DCHS2: variants seen among roughly 807,000 people sequenced by gnomAD.
DCHS2 encodes the protein protocadherin-23.
DCHS2 carries 142 observed loss-of-function variants against 182.4 expected under a neutral mutation model. That is an observed-to-expected ratio of 0.78 (90% CI 0.68 to 0.89). The LOEUF is 0.89. Among genes scored for constraint, DCHS2 ranks in the 40% least tolerant of loss-of-function variants. DCHS2 has a pLI of 0.00. For missense variants in DCHS2, 4,319 were observed against 4,198.6 expected, an observed-to-expected ratio of 1.03 and a Z score of -0.79; for synonymous variants, 1,740 against 1,663.3, an observed-to-expected ratio of 1.05 and a Z score of -1.12.
chr4:154,488,459 C>T (rs944379162), intron 1 of DCHS2, among the ~76,000 whole-genome samples: 6 of 152,006 alleles, frequency 3.9e-5, no homozygotes, highest in African/African-American at 1.2e-4. Context: ...TTGTAAGCTT[C>T]GAAGGAAGGT....
At chr4:154,486,847 G>A (rs1728604116) in intron 1 of DCHS2, among the ~76,000 whole-genome samples, 1 of 152,106 alleles carries the variant, frequency 6.6e-6, no homozygotes, top group Admixed American at 6.5e-5. Context: ...GGGCTAGATC[G>A]CTGGAATTTC....
intron 3 of DCHS2, among the ~76,000 whole-genome samples, chr4:154,350,273 A>G (rs1729545437): frequency 6.6e-6 from 1 of 152,228 alleles, no homozygotes; most frequent in South Asian, 2.1e-4. Context: ...TTACCTTAAC[A>G]TGAAAGCTCT....
At chr4:154,308,563 G>A (rs1253963009) in intron 10 of DCHS2, among the ~76,000 whole-genome samples, 1 of 152,160 alleles carries the variant, frequency 6.6e-6, no homozygotes, top group African/African-American at 2.4e-5. Context: ...AGGCACCACT[G>A]AATAGTTACC....
intron 13 of DCHS2, among the ~76,000 whole-genome samples, chr4:154,279,552 A>G (rs1201016070): frequency 6.6e-6 from 1 of 152,108 alleles, no homozygotes; most frequent in Non-Finnish European, 1.5e-5. Context: ...CCACAATGGA[A>G]TGAAACTCAA....
chr4:154,462,640 T>C (rs1386505103), intron 1 of DCHS2, among the ~76,000 whole-genome samples: 1 of 152,210 alleles, frequency 6.6e-6, no homozygotes, highest in Non-Finnish European at 1.5e-5. Context: ...ATTTTGTATA[T>C]ACAAATTGAC....
At position 154,432,599 on chromosome 4, in the gene DCHS2, G is replaced by A. The variant is rs569192511; in HGVS notation, c.2053-55155C>T. On this transcript the variant is annotated intron_variant, in intron 1 of 19. Coordinates refer to ENST00000357232, the MANE Select transcript of DCHS2 (RefSeq NM_001358235.2). The stretch of plus-strand genomic sequence containing the variant: ...AAAATAGGCCAGGTGAACACTAAAA[G>A]AATAGGCACAAATAATAAAATTTTC... 8.6e-4 allele frequency among the ~76,000 whole-genome samples: 129 copies of A among 150,564 alleles called. 1 individual carries two copies. Among genetic ancestry groups the A allele is most frequent in the African/African-American group, 3.0e-3 (124 of 40,952 alleles).
At position 154,233,813 on chromosome 4, in the gene DCHS2, T is replaced by TATCA. The variant is rs1286931264; in HGVS notation, c.*719_*722dup. On this transcript the variant is annotated 3_prime_UTR_variant, in exon 20 of 20. Coordinates refer to ENST00000357232, the MANE Select transcript of DCHS2 (RefSeq NM_001358235.2). ...ATTGCGAGTATCAATCCTGGCCCTCTATCAGGAACATGCATTTCTGGTTTA... is the reference window on the plus strand; with the variant it reads ...ATTGCGAGTATCAATCCTGGCCCTCTATCAATCAGGAACATGCATTTCTGGTTTA... 6.6e-6 allele frequency: 1 copy of TATCA among 152,208 alleles called. No homozygotes were observed. Among genetic ancestry groups the TATCA allele is most frequent in the Non-Finnish European group, 1.5e-5 (1 of 68,030 alleles). The allele number at this position is 152,208 out of a possible 1,614,324, so 9.4% of individuals were successfully genotyped here.
intron 1 of DCHS2, among the ~76,000 whole-genome samples, chr4:154,416,039 T>C (rs1460212978): frequency 1.3e-5 from 2 of 152,174 alleles, no homozygotes; most frequent in African/African-American, 2.4e-5. Context: ...GAAATAAACA[T>C]ATACTGGAGA....
At chr4:154,343,613 T>G in intron 3 of DCHS2, 2 of 1,513,052 alleles carry the variant, frequency 1.3e-6, no homozygotes, top group Admixed American at 2.1e-5. Flanking sequence ...CTTCAAATTT[T>G]TTTTCTGCAG....
At position 154,234,337 on chromosome 4, in the gene DCHS2, G is replaced by A. The variant is rs1335122470; in HGVS notation, c.*199C>T. Reference sequence around the variant, plus strand: ...TGTGAGTCCTGAGAGCAACACATAAGGATTAAAAGAGGAAATAACTTTTCA... The same window carrying A: ...TGTGAGTCCTGAGAGCAACACATAAAGATTAAAAGAGGAAATAACTTTTCA... On this transcript the variant is annotated 3_prime_UTR_variant, in exon 20 of 20. Coordinates refer to ENST00000357232, the MANE Select transcript of DCHS2 (RefSeq NM_001358235.2). 2.6e-5 allele frequency: 18 copies of A among 683,290 alleles called. No homozygotes were observed. The highest frequency in any genetic ancestry group is 3.9e-5 in the Non-Finnish European group (17 of 433,290). The allele number at this position is 683,290 out of a possible 1,614,324, so 42.3% of individuals were successfully genotyped here. A position where few individuals can be genotyped will look rare whatever the true frequency, so the allele number is the denominator to read the frequency against.
At position 154,266,655 on chromosome 4, in the gene DCHS2, CAA is replaced by C. The variant is rs34664853; in HGVS notation, c.6577+3243_6577+3244del. Among the ~76,000 whole-genome samples the C allele has an allele frequency of 3.8e-3, 521 of 137,120 alleles. 2 individuals carry two copies. The highest frequency in any genetic ancestry group is 0.01 in the South Asian group (42 of 4,134). 90.0% of individuals were successfully genotyped at this position (137,120 alleles called of 152,430 possible). ...TGGGCAACAGAGCAAGGCTCCGTCT[CAA>C]AAAAAAAAAAAAAAGAAAGCTTGTC... On this transcript the variant is annotated intron_variant, in intron 14 of 19. Transcript: ENST00000357232.
chr4:154,487,569 G>A (rs751441569), intron 1 of DCHS2, among the ~76,000 whole-genome samples: 5 of 152,216 alleles, frequency 3.3e-5, no homozygotes, highest in Non-Finnish European at 5.9e-5. Flanking sequence ...AGAAAGGGAT[G>A]GAGATTATTA....
At chr4:154,258,033 G>A (rs981093221) in intron 15 of DCHS2, among the ~76,000 whole-genome samples, 3 of 152,214 alleles carry the variant, frequency 2.0e-5, no homozygotes, top group Non-Finnish European at 4.4e-5. Context: ...GTGACAAGGT[G>A]GCAATGGAGG....
At chr4:154,341,395 TTTCAAGTATTTCA>T (rs1729093703) in intron 3 of DCHS2, among the ~76,000 whole-genome samples, 1 of 151,182 alleles carries the variant, frequency 6.6e-6, no homozygotes, top group Non-Finnish European at 1.5e-5. Flanking sequence ...AAGAGAACGT[TTTCAAGTATTTCA>T]AAACACCGCT....
Position 154,417,158 on chromosome 4 carries a change from A to AGTGT in DCHS2, c.2053-39718_2053-39715dup, listed in dbSNP as rs778940410. Among the ~76,000 whole-genome samples, 323 of 79,942 alleles carry AGTGT rather than the reference A, an allele frequency of 4.0e-3. 4 individuals are homozygous for AGTGT. Among genetic ancestry groups the AGTGT allele is most frequent in the Middle Eastern group, 8.3e-3 (1 of 120 alleles). 52.4% of individuals were successfully genotyped at this position (79,942 alleles called of 152,430 possible). A position where few individuals can be genotyped will look rare whatever the true frequency, so the allele number is the denominator to read the frequency against. ...CTGTCACCACCTCAGGCCGGTCCCGAGTGTGTGTGTGTGTGTGTGTGTGTG... is the reference window on the plus strand; with the variant it reads ...CTGTCACCACCTCAGGCCGGTCCCGAGTGTGTGTGTGTGTGTGTGTGTGTGTGTG... On this transcript the variant is annotated intron_variant, in intron 1 of 19. Coordinates refer to ENST00000357232, the MANE Select transcript of DCHS2 (RefSeq NM_001358235.2).
At chr4:154,399,867 A>T (rs1022339990) in intron 1 of DCHS2, among the ~76,000 whole-genome samples, 1 of 152,192 alleles carries the variant, frequency 6.6e-6, no homozygotes, top group Non-Finnish European at 1.5e-5. Flanking sequence ...GCAAACGAAT[A>T]GAGAGGATAT....
At position 154,489,834 on chromosome 4, in the gene DCHS2, G is replaced by A. The variant is rs781699877; in HGVS notation, c.1522C>T (p.Leu508=). 320 of 1,551,324 alleles carry A rather than the reference G, an allele frequency of 2.1e-4. No homozygotes were observed. The African/African-American group carries it at 3.5e-3, about 17-fold the overall frequency. ...DRESRDLYEL[L]LVATDAGSPP... is the part of the protein sequence containing the mutation. Reference sequence around the variant, plus strand: ...GACCCCGCGTCCGTGGCCACCAGTAGTAACTCATACAGATCGCGGCTCTCT... The same window carrying A: ...GACCCCGCGTCCGTGGCCACCAGTAATAACTCATACAGATCGCGGCTCTCT... The change falls in exon 1 of 20, where the codon CTA becomes TTA. Residue 508 remains leucine (L), a synonymous_variant. Coordinates refer to ENST00000357232, the MANE Select transcript of DCHS2 (RefSeq NM_001358235.2).
chr4:154,318,889 T>G (rs1360987779), intron 9 of DCHS2, among the ~76,000 whole-genome samples: 1 of 151,466 alleles, frequency 6.6e-6, no homozygotes, highest in Non-Finnish European at 1.5e-5. Context: ...CCCCAAAGAG[T>G]GAAAATAATC....
Position 154,490,816 on chromosome 4 carries a change from G to A in DCHS2, c.540C>T (p.Ser180=). 4 of 1,551,564 alleles carry A rather than the reference G, an allele frequency of 2.6e-6. No homozygotes were observed. Among genetic ancestry groups the A allele is most frequent in the Non-Finnish European group, 3.5e-6 (4 of 1,146,938 alleles). The change falls in exon 1 of 20, where the codon AGC becomes AGT. Residue 180 remains serine, a synonymous_variant. Coordinates refer to ENST00000357232, the MANE Select transcript of DCHS2 (RefSeq NM_001358235.2). ...GCAGGCGGAAGGCGGTCCCTGGCGG[G>A]CTGAGCTCGGAGACGTCGAGTTGCA... ...DSLQLDVSEL[S]PPGTAFRLPV... is the part of the protein sequence containing the mutation.
Sources: gnomAD v4.1 joint callset for allele counts (sites outside exome capture counted in the v4.1 genomes callset) on GRCh38, gnomAD v4.1.1 for gene constraint, MANE v1.5 for transcripts, NCBI Gene and HGNC (gene_info 2026-07-23, HGNC 2026-07-21) for gene names.